CHST9: variants seen among roughly 807,000 people sequenced by gnomAD.
The protein encoded by CHST9 is carbohydrate sulfotransferase 9.
In CHST9, 41 loss-of-function variants were observed where a neutral mutation model predicts 44.4. The observed-to-expected ratio is 0.92, with a 90% CI of 0.72 to 1.20. The LOEUF is 1.20. Among genes scored for constraint, CHST9 ranks in the 50% most tolerant of loss-of-function variants. The probability of loss-of-function intolerance (pLI) is 0.00; values close to 1 mark genes in which losing one functional copy is unlikely to be tolerated. For synonymous variants in CHST9, 171 were observed against 178.4 expected (o/e 0.96, Z 0.33); for missense variants, 504 against 516.5 (o/e 0.98, Z 0.23).
intron 2 of CHST9, among the ~76,000 whole-genome samples, chr18:27,089,330 CT>C (rs1278399421): frequency 6.8e-6 from 1 of 146,286 alleles, no homozygotes; most frequent in Non-Finnish European, 1.5e-5. Flanking sequence ...TGTTTCACGC[CT>C]TGTGTCCAAG....
intron 3 of CHST9, among the ~76,000 whole-genome samples, chr18:27,034,798 T>G (rs2057374989): frequency 6.6e-6 from 1 of 152,208 alleles, no homozygotes. Flanking sequence ...CTACAACTCC[T>G]CAGAATTTAA....
intron 2 of CHST9, among the ~76,000 whole-genome samples, chr18:27,053,309 GGAGAAGGAGAAGGA>G (rs2057610166): frequency 7.8e-6 from 1 of 128,530 alleles, no homozygotes; most frequent in African/African-American, 3.0e-5. Context: ...AGAAGGAGAA[GGAGAAGGAGAAGGA>G]GAAGATTTCA....
At chr18:27,147,391 G>A (rs1239565087) in intron 1 of CHST9, among the ~76,000 whole-genome samples, 8 of 152,128 alleles carry the variant, frequency 5.3e-5, no homozygotes, top group Non-Finnish European at 1.5e-5. Context: ...TAAGGAAGGA[G>A]TGGTGGGGTT....
At chr18:27,118,222 T>C (rs1009291028) in intron 2 of CHST9, among the ~76,000 whole-genome samples, 1 of 152,254 alleles carries the variant, frequency 6.6e-6, no homozygotes, top group Non-Finnish European at 1.5e-5. Flanking sequence ...TTTGCCCATT[T>C]ATTTTTAAAT....
intron 2 of CHST9, among the ~76,000 whole-genome samples, chr18:27,107,576 C>A (rs2058232269): frequency 6.6e-6 from 1 of 152,072 alleles, no homozygotes; most frequent in Admixed American, 6.6e-5. Context: ...GAATAAAAGC[C>A]CTGAAAACTT....
chr18:26,908,488 G>A lies in CHST9; in HGVS notation c.*7771C>T, dbSNP rs2055398191. The A allele has an allele frequency of 6.6e-6, 1 of 151,908 alleles. No individual in the cohort carries two copies. The highest frequency in any genetic ancestry group is 1.5e-5 in the Non-Finnish European group (1 of 67,990). The allele number at this position is 151,908 out of a possible 1,614,324, so 9.4% of individuals were successfully genotyped here. A position where few individuals can be genotyped will look rare whatever the true frequency, so the allele number is the denominator to read the frequency against. ...TAAAAGGATACCAAAAAATGATAAGGTGATAAAATTTTATGTTATGTGGAT... is the reference window on the plus strand; with the variant it reads ...TAAAAGGATACCAAAAAATGATAAGATGATAAAATTTTATGTTATGTGGAT... On this transcript the variant is annotated 3_prime_UTR_variant, in exon 6 of 6. Coordinates refer to ENST00000618847, the MANE Select transcript of CHST9 (RefSeq NM_031422.6).
chr18:26,915,668 C>G lies in CHST9; in HGVS notation c.*591G>C, dbSNP rs1446142894. The G allele has an allele frequency of 6.6e-6, 1 of 152,088 alleles. No homozygotes were observed. The highest frequency in any genetic ancestry group is 6.6e-5 in the Admixed American group (1 of 15,244). 9.4% of individuals were successfully genotyped at this position (152,088 alleles called of 1,614,324 possible). A position where few individuals can be genotyped will look rare whatever the true frequency, so the allele number is the denominator to read the frequency against. ...TAGCATGTTGTGCATTTTTTATTGG[C>G]TGTTGAATATAAAAAGCCACAGCCT... On this transcript the variant is annotated 3_prime_UTR_variant, in exon 6 of 6. Coordinates refer to ENST00000618847, the MANE Select transcript of CHST9 (RefSeq NM_031422.6).
intron 4 of CHST9, among the ~76,000 whole-genome samples, chr18:26,998,354 TAATC>T (rs1302442916): frequency 1.3e-5 from 2 of 152,190 alleles, no homozygotes; most frequent in African/African-American, 4.8e-5. Context: ...AAATTTTTGA[TAATC>T]AATGAATGGA....
chr18:26,969,366 C>CTGTGTGTGTG (rs1247934551), intron 4 of CHST9, among the ~76,000 whole-genome samples: 21 of 99,488 alleles, frequency 2.1e-4, no homozygotes, highest in African/African-American at 1.3e-4. Flanking sequence ...TTGATTCTCT[C>CTGTGTGTGTG]TCTCTCTCTC....
At chr18:26,970,720 G>T (rs917201938) in intron 4 of CHST9, among the ~76,000 whole-genome samples, 1 of 152,168 alleles carries the variant, frequency 6.6e-6, no homozygotes, top group Non-Finnish European at 1.5e-5. Flanking sequence ...GAGCCAATGC[G>T]CCTGGCTGAG....
intron 4 of CHST9, among the ~76,000 whole-genome samples, chr18:26,946,321 G>A (rs989398006): frequency 4.6e-5 from 7 of 152,148 alleles, no homozygotes; most frequent in African/African-American, 1.7e-4. Context: ...AGAAGAGGGG[G>A]GAGAACTTTC....
chr18:26,975,723 GTGTATATATATATATATA>G (rs1356071143), intron 4 of CHST9, among the ~76,000 whole-genome samples: 2 of 59,352 alleles, frequency 3.4e-5, no homozygotes, highest in Non-Finnish European at 6.3e-5. Flanking sequence ...GTGTGTGTGT[GTGTATATATATATATATA>G]TATATATATA....
chr18:27,088,753 A>G (rs1454646485), intron 2 of CHST9, among the ~76,000 whole-genome samples: 1 of 152,174 alleles, frequency 6.6e-6, no homozygotes, highest in South Asian at 2.1e-4. Flanking sequence ...GACAAGGACT[A>G]TCTACTCAAG....
intron 4 of CHST9, among the ~76,000 whole-genome samples, chr18:26,992,321 A>G (rs1443567452): frequency 1.5e-5 from 1 of 67,780 alleles, no homozygotes; most frequent in Non-Finnish European, 4.0e-5. Context: ...GAGAAAAAGA[A>G]AAGTGTTATG....
intron 1 of CHST9, among the ~76,000 whole-genome samples, chr18:27,183,734 A>G (rs780513569): frequency 1.8e-4 from 27 of 152,172 alleles, no homozygotes; most frequent in Non-Finnish European, 8.8e-5. Flanking sequence ...ATTGTTTTGT[A>G]AATTTGATTC....
At chr18:26,983,359 G>T (rs2056715857) in intron 4 of CHST9, among the ~76,000 whole-genome samples, 1 of 152,174 alleles carries the variant, frequency 6.6e-6, no homozygotes, top group South Asian at 2.1e-4. Flanking sequence ...CAGAGGGGTG[G>T]ATCCCCTCAT....
chr18:27,060,957 C>CATTAAAAGATTTTTCTTGCCA (rs1223922912), intron 2 of CHST9, among the ~76,000 whole-genome samples: 3 of 152,188 alleles, frequency 2.0e-5, no homozygotes, highest in African/African-American at 7.2e-5. Flanking sequence ...TGAAGAACTT[C>CATTAAAAGATTTTTCTTGCCA]ATTAAAAGAT....
At position 27,053,321 on chromosome 18, in the gene CHST9, GGA is replaced by G. The variant is rs1328646705; in HGVS notation, c.122-4820_122-4819del. ...AGGAGAAGGAGAAGGAGAAGGAGAA[GGA>G]GAAGATTTCATTAAAAAAAAAAAAG... On this transcript the variant is annotated intron_variant, in intron 2 of 5. Transcript: ENST00000618847. 6.9e-5 allele frequency among the ~76,000 whole-genome samples: 7 copies of G among 100,796 alleles called. 1 individual carries two copies. Among genetic ancestry groups the G allele is most frequent in the Admixed American group, 3.1e-4 (3 of 9,654 alleles). The allele number at this position is 100,796 out of a possible 152,430, so 66.1% of individuals were successfully genotyped here. A position where few individuals can be genotyped will look rare whatever the true frequency, so the allele number is the denominator to read the frequency against.
intron 4 of CHST9, among the ~76,000 whole-genome samples, chr18:26,962,929 G>T (rs1411769420): frequency 6.6e-6 from 1 of 152,190 alleles, no homozygotes; most frequent in Non-Finnish European, 1.5e-5. Flanking sequence ...CGTGAGATGG[G>T]ATGAAGCCAG....
Sources: gnomAD v4.1 joint callset for allele counts (sites outside exome capture counted in the v4.1 genomes callset) on GRCh38, gnomAD v4.1.1 for gene constraint, MANE v1.5 for transcripts, NCBI Gene and HGNC (gene_info 2026-07-23, HGNC 2026-07-21) for gene names.